ASXL3: variants seen among roughly 807,000 people sequenced by gnomAD.
The protein encoded by ASXL3 is putative Polycomb group protein ASXL3.
Under a neutral mutation model 170.6 loss-of-function variants are expected in ASXL3, and 34 were observed. The observed-to-expected ratio is 0.20, with a 90% confidence interval of 0.15 to 0.27. ASXL3 has a LOEUF of 0.27. Ranked by LOEUF, ASXL3 falls within the 10% of genes least tolerant of loss-of-function variation. The probability of loss-of-function intolerance (pLI) is 1.00; values close to 1 mark genes in which losing one functional copy is unlikely to be tolerated. For synonymous variants in ASXL3, 1,002 were observed against 989.1 expected (o/e 1.01, Z -0.24); for missense variants, 2,592 against 2,695.3 (o/e 0.96, Z 0.85).
At chr18:33,581,364 A>T (rs1225839856) in intron 1 of ASXL3, among the ~76,000 whole-genome samples, 1 of 152,102 alleles carries the variant, frequency 6.6e-6, no homozygotes, top group Admixed American at 6.6e-5. Flanking sequence ...ATAACTCAAT[A>T]TGTGGTTTTT....
At chr18:33,728,507 A>G (rs1375254840) in intron 8 of ASXL3, among the ~76,000 whole-genome samples, 1 of 152,204 alleles carries the variant, frequency 6.6e-6, no homozygotes, top group Admixed American at 6.5e-5. Context: ...CAGATTTCAT[A>G]GAGGTATATC....
intron 5 of ASXL3, among the ~76,000 whole-genome samples, chr18:33,664,837 A>G (rs922378830): frequency 5.9e-5 from 9 of 152,194 alleles, no homozygotes; most frequent in Non-Finnish European, 1.3e-4. Flanking sequence ...GACATGGAAT[A>G]TTTTTATTGC....
At chr18:33,742,824 C>A in intron 11 of ASXL3, 64 bp from the exon 12 acceptor site, 1 of 1,500,308 alleles carries the variant, frequency 6.7e-7, no homozygotes, top group South Asian at 1.4e-5. Flanking sequence ...TTATCACATT[C>A]TACGTGCCTC....
chr18:33,617,160 A>G (rs1346304251), intron 2 of ASXL3, among the ~76,000 whole-genome samples: 1 of 152,114 alleles, frequency 6.6e-6, no homozygotes, highest in Non-Finnish European at 1.5e-5. Flanking sequence ...TTCATATGTT[A>G]TTCCTAACAT....
intron 5 of ASXL3, among the ~76,000 whole-genome samples, chr18:33,663,955 A>G (rs2066217605): frequency 6.6e-6 from 1 of 152,086 alleles, no homozygotes; most frequent in South Asian, 2.1e-4. Context: ...ATTTCCATAT[A>G]CATATGATCT....
chr18:33,707,818 T>C (rs1389762693), intron 8 of ASXL3, among the ~76,000 whole-genome samples: 2 of 152,062 alleles, frequency 1.3e-5, no homozygotes, highest in African/African-American at 4.8e-5. Flanking sequence ...TATAGATGCT[T>C]TCTGTCATAT....
intron 2 of ASXL3, among the ~76,000 whole-genome samples, chr18:33,641,990 A>G (rs1360132167): frequency 6.6e-6 from 1 of 152,042 alleles, no homozygotes; most frequent in African/African-American, 2.4e-5. Flanking sequence ...ATTAAAAATA[A>G]GAACCATTAC....
chr18:33,606,432 T>C (rs1044275181), intron 1 of ASXL3, among the ~76,000 whole-genome samples: 4 of 151,980 alleles, frequency 2.6e-5, no homozygotes, highest in African/African-American at 7.2e-5. Flanking sequence ...AAGGTTAGGA[T>C]GGGCAGGCTG....
chr18:33,735,387 T>A (rs2067527679), intron 10 of ASXL3, among the ~76,000 whole-genome samples: 1 of 152,182 alleles, frequency 6.6e-6, no homozygotes, highest in South Asian at 2.1e-4. Flanking sequence ...ATGGCAGTCC[T>A]TTTGAGTAGG....
chr18:33,677,429 A>G (rs182739894), intron 7 of ASXL3, among the ~76,000 whole-genome samples: 5 of 152,324 alleles, frequency 3.3e-5, no homozygotes, highest in Admixed American at 3.3e-4. Flanking sequence ...TTTAGATTAA[A>G]TAAAAAAGTA....
chr18:33,643,612 A>G (rs1235220854), intron 2 of ASXL3, among the ~76,000 whole-genome samples: 26 of 152,034 alleles, frequency 1.7e-4, no homozygotes, highest in East Asian at 1.9e-4. Context: ...TGATGTATAT[A>G]TATGCTGCCT....
chr18:33,606,630 G>A (rs1447141352), intron 1 of ASXL3, among the ~76,000 whole-genome samples: 1 of 151,948 alleles, frequency 6.6e-6, no homozygotes, highest in East Asian at 1.9e-4. Context: ...TCATAGATTA[G>A]AACTCTAGTG....
chr18:33,629,874 T>G (rs1280818017), intron 2 of ASXL3, among the ~76,000 whole-genome samples: 1 of 152,054 alleles, frequency 6.6e-6, no homozygotes, highest in Non-Finnish European at 1.5e-5. Context: ...ATTTTATAAA[T>G]TTTAAAAACT....
chr18:33,666,885 C>G (rs1279019544), intron 5 of ASXL3, among the ~76,000 whole-genome samples: 2 of 152,160 alleles, frequency 1.3e-5, no homozygotes, highest in African/African-American at 4.8e-5. Context: ...AATGGCTAGG[C>G]TACACGTCGT....
intron 1 of ASXL3, among the ~76,000 whole-genome samples, chr18:33,604,273 T>C (rs2065219722): frequency 6.6e-6 from 1 of 152,056 alleles, no homozygotes; most frequent in Admixed American, 6.6e-5. Context: ...TTATATGTAT[T>C]AGCAATAGAA....
At chr18:33,689,827 G>C (rs578050868) in intron 8 of ASXL3, among the ~76,000 whole-genome samples, 1 of 152,166 alleles carries the variant, frequency 6.6e-6, no homozygotes, top group Admixed American at 6.5e-5. Flanking sequence ...TAAATATCCT[G>C]TTCCTCTTCA....
chr18:33,592,581 G>C (rs1264356202), intron 1 of ASXL3, among the ~76,000 whole-genome samples: 1 of 152,160 alleles, frequency 6.6e-6, no homozygotes, highest in Non-Finnish European at 1.5e-5. Context: ...GTTCTTGTCT[G>C]GAAATGTAGA....
In ASXL3 at chr18:33,744,402, G is replaced by A; in HGVS notation, c.4554G>A (p.Gln1518=). The change falls in exon 12 of 12, where the codon CAG becomes CAA. Residue 1518 remains glutamine, a synonymous_variant. Coordinates refer to ENST00000269197, the MANE Select transcript of ASXL3 (RefSeq NM_030632.3). ...CCGTACAGCCCGTGGCGTGTCCTCA[G>A]GTGTCTGTGATTAGCAGGCCTGAGC... ...EASVQPVACP[Q]VSVISRPEPV... 1 of 1,613,814 alleles carries A rather than the reference G, an allele frequency of 6.2e-7. No individual in the cohort carries two copies. Among genetic ancestry groups the A allele is most frequent in the Non-Finnish European group, 8.5e-7 (1 of 1,179,804 alleles).
At chr18:33,672,151 A>G (rs1425939815) in intron 7 of ASXL3, among the ~76,000 whole-genome samples, 1 of 152,170 alleles carries the variant, frequency 6.6e-6, no homozygotes, top group African/African-American at 2.4e-5. Flanking sequence ...GGGTCATGAT[A>G]CTATCTAATG....
Sources: allele counts gnomAD v4.1 joint callset (sites outside exome capture counted in the v4.1 genomes callset), GRCh38; gene constraint gnomAD v4.1.1; transcripts MANE v1.5; gene names NCBI Gene and HGNC (gene_info 2026-07-23, HGNC 2026-07-21).